FAM120B: variants seen among roughly 807,000 people sequenced by gnomAD.
FAM120B encodes family with sequence similarity 120 member B.
A neutral mutation model predicts 96.3 loss-of-function variants in FAM120B; 83 were observed. The observed-to-expected ratio is 0.86, with a 90% CI of 0.72 to 1.03. The LOEUF (loss-of-function observed/expected upper bound fraction) is 1.03, where lower values mean the gene tolerates loss of function less well. Among genes scored for constraint, FAM120B ranks in the 50% least tolerant of loss-of-function variants. The probability of loss-of-function intolerance (pLI) is 0.00; values close to 1 mark genes in which losing one functional copy is unlikely to be tolerated. For synonymous variants in FAM120B, 407 were observed against 402.7 expected (o/e 1.01, Z -0.13); for missense variants, 1,027 against 1,121.2 (o/e 0.92, Z 1.20).
At chr6:170,334,547 G>GGT (rs10560646) in intron 4 of FAM120B, among the ~76,000 whole-genome samples, 47,258 of 149,614 alleles carry the variant, frequency 0.32, 8,020 homozygotes, top group Non-Finnish European at 0.38. Flanking sequence ...AAAGGAAGCT[G>GGT]GTGTGTGTGT....
chr6:170,392,770 G>A (rs1333772277), intron 8 of FAM120B, among the ~76,000 whole-genome samples: 2 of 152,166 alleles, frequency 1.3e-5, no homozygotes, highest in Non-Finnish European at 2.9e-5. Flanking sequence ...GATGCACCCA[G>A]ATCCCACCAG....
At chr6:170,303,680 T>C (rs893214700), upstream of FAM120B, among the ~76,000 whole-genome samples, 1 of 152,254 alleles carries the variant, frequency 6.6e-6, no homozygotes. Context: ...CATGCACATT[T>C]ATGTAAACAC....
intron 8 of FAM120B, among the ~76,000 whole-genome samples, chr6:170,394,881 A>G (rs1320243671): frequency 6.6e-6 from 1 of 152,242 alleles, no homozygotes; most frequent in East Asian, 1.9e-4. Flanking sequence ...GCACCTGTGG[A>G]GCAGGGACAG....
intron 6 of FAM120B, among the ~76,000 whole-genome samples, chr6:170,368,719 C>T (rs1788959504): frequency 6.6e-6 from 1 of 151,232 alleles, no homozygotes; most frequent in African/African-American, 2.4e-5. Context: ...AACAAAACAC[C>T]ACGGACTGGG....
upstream of FAM120B, among the ~76,000 whole-genome samples, chr6:170,291,586 G>A (rs1432139007): frequency 6.6e-6 from 1 of 152,214 alleles, no homozygotes; most frequent in Non-Finnish European, 1.5e-5. Flanking sequence ...GGAGCGGTGG[G>A]CCGAGGGCTG....
chr6:170,393,805 T>C (rs1790592582), intron 8 of FAM120B, among the ~76,000 whole-genome samples: 1 of 152,158 alleles, frequency 6.6e-6, no homozygotes, highest in Admixed American at 6.5e-5. Flanking sequence ...ATGCTGAGCT[T>C]GCACCTCCTG....
chr6:170,327,051 G>C (rs555972552), intron 3 of FAM120B, among the ~76,000 whole-genome samples: 11 of 149,564 alleles, frequency 7.4e-5, no homozygotes, highest in African/African-American at 2.7e-4. Flanking sequence ...GCCAAAACTT[G>C]AATTTTTTTT....
At chr6:170,400,592 C>A (rs984508521) in intron 9 of FAM120B, among the ~76,000 whole-genome samples, 1 of 152,150 alleles carries the variant, frequency 6.6e-6, no homozygotes, top group Non-Finnish European at 1.5e-5. Flanking sequence ...GTGGCCTGAC[C>A]GGCTGCAGGG....
intron 6 of FAM120B, among the ~76,000 whole-genome samples, chr6:170,387,557 C>A (rs1013910558): frequency 1.3e-5 from 2 of 152,146 alleles, no homozygotes; most frequent in African/African-American, 4.8e-5. Context: ...AATGCAGGAA[C>A]CCTCTGCAGC....
chr6:170,375,742 C>G (rs923473278), intron 6 of FAM120B, among the ~76,000 whole-genome samples: 15 of 152,038 alleles, frequency 9.9e-5, no homozygotes, highest in African/African-American at 3.1e-4. Flanking sequence ...GTACAGCGGG[C>G]GAGAACTGCA....
At chr6:170,338,827 A>G (rs1786615441) in intron 4 of FAM120B, among the ~76,000 whole-genome samples, 1 of 145,966 alleles carries the variant, frequency 6.9e-6, no homozygotes, top group Non-Finnish European at 1.5e-5. Context: ...AGTATTAGAG[A>G]CTAGCATTGC....
chr6:170,351,291 A>T (rs1026355848), intron 5 of FAM120B, among the ~76,000 whole-genome samples: 4 of 152,356 alleles, frequency 2.6e-5, no homozygotes, highest in Admixed American at 2.6e-4. Flanking sequence ...GAAGTATGAG[A>T]TTATGTGAAG....
At chr6:170,379,933 T>C (rs1247760844) in intron 6 of FAM120B, among the ~76,000 whole-genome samples, 1 of 152,220 alleles carries the variant, frequency 6.6e-6, no homozygotes. Flanking sequence ...CTAGTCCTCG[T>C]GCCATGCATT....
In FAM120B at chr6:170,317,716, ACAG is replaced by A. The variant is rs1562519336; in HGVS notation, c.327_329del (p.Asn109_Arg110delinsLys). 1.2e-6 allele frequency: 2 copies of A among 1,614,216 alleles called. No individual in the cohort carries two copies. The highest frequency in any genetic ancestry group is 3.3e-5 in the Admixed American group (2 of 60,026). ...TGGGTGAAACGAAGGCTCAAGAACA[ACAG>A]GGAGATATCCAGGATTTTTCATTAC... On this transcript the variant is annotated inframe_deletion, in exon 2 of 11. Transcript: ENST00000476287.
At position 170,404,797 on chromosome 6, in the gene FAM120B, C is replaced by G. The variant is rs13207394; in HGVS notation, c.*46C>G. The G allele has an allele frequency of 0.069, 39,605 of 575,834 alleles. 1,679 individuals carry two copies. The highest frequency in any genetic ancestry group is 0.14 in the Middle Eastern group (307 of 2,188). 35.7% of individuals were successfully genotyped at this position (575,834 alleles called of 1,614,324 possible). On this transcript the variant is annotated 3_prime_UTR_variant, in exon 11 of 11. Transcript: ENST00000476287. ...GGAGAGAAAAAGAGGCACACCTGGA[C>G]GCAGAGCCCTGCCAGCGCCCTCCTC... is the stretch of plus-strand genomic sequence containing the variant.
chr6:170,336,755 G>T (rs1269196377), intron 4 of FAM120B, among the ~76,000 whole-genome samples: 1 of 152,126 alleles, frequency 6.6e-6, no homozygotes, highest in African/African-American at 2.4e-5. Flanking sequence ...CACGTCATTT[G>T]TAAGTTGTAT....
chr6:170,301,668 C>T (rs1784145245), intron 1 of FAM120B, among the ~76,000 whole-genome samples: 1 of 152,214 alleles, frequency 6.6e-6, no homozygotes, highest in Non-Finnish European at 1.5e-5. Context: ...CCTAAATCAT[C>T]TCTCTCAAGT....
intron 6 of FAM120B, among the ~76,000 whole-genome samples, chr6:170,375,983 A>G (rs1789487396): frequency 6.6e-6 from 1 of 152,192 alleles, no homozygotes; most frequent in Admixed American, 6.5e-5. Context: ...GGTGGCCCTA[A>G]AAAGGCCAGA....
At chr6:170,357,490 T>C (rs1450323811) in intron 5 of FAM120B, among the ~76,000 whole-genome samples, 2 of 152,204 alleles carry the variant, frequency 1.3e-5, no homozygotes, top group African/African-American at 4.8e-5. Flanking sequence ...TTCTCACTTT[T>C]GCTGCATCTT....
Sources: allele counts gnomAD v4.1 joint callset (sites outside exome capture counted in the v4.1 genomes callset), GRCh38; gene constraint gnomAD v4.1.1; transcripts MANE v1.5; gene names NCBI Gene and HGNC (gene_info 2026-07-23, HGNC 2026-07-21).